DIP2C: variants seen among roughly 807,000 people sequenced by gnomAD.
DIP2C encodes DIP2 acetate--CoA ligase C (putative).
DIP2C carries 33 observed loss-of-function variants against 192.4 expected under a neutral mutation model. The observed-to-expected ratio is 0.17, with a 90% confidence interval of 0.13 to 0.23. The LOEUF (loss-of-function observed/expected upper bound fraction) is 0.23, where lower values mean the gene tolerates loss of function less well. Ranked by LOEUF, DIP2C falls within the 10% of genes least tolerant of loss-of-function variation. The probability of loss-of-function intolerance (pLI) is 1.00; values close to 1 mark genes in which losing one functional copy is unlikely to be tolerated. For missense variants in DIP2C, 1,537 were observed against 2,110.1 expected (o/e 0.73, Z 5.32); for synonymous variants, 979 against 864.1 (o/e 1.13, Z -2.33).
intron 9 of DIP2C, 32 bp downstream of exon 9, chr10:408,894 T>C (rs367858638): frequency 3.2e-5 from 51 of 1,608,908 alleles, no homozygotes; most frequent in Non-Finnish European, 3.9e-5. Context: ...ACTCTTGTGT[T>C]TTGTAGATCC....
At chr10:456,472 G>A (rs998697385) in intron 3 of DIP2C, among the ~76,000 whole-genome samples, 2 of 144,544 alleles carry the variant, frequency 1.4e-5, no homozygotes, top group African/African-American at 5.4e-5. Context: ...GAGACTGTGA[G>A]GAGTAAATGA....
chr10:361,460 T>C (rs561019156), intron 22 of DIP2C, among the ~76,000 whole-genome samples: 36 of 152,322 alleles, frequency 2.4e-4, no homozygotes, highest in Non-Finnish European at 4.4e-4. Flanking sequence ...AGCCGAGCCC[T>C]GTAGCTATGG....
intron 1 of DIP2C, among the ~76,000 whole-genome samples, chr10:568,793 A>AAAC: frequency 8.7e-6 from 1 of 114,754 alleles, no homozygotes; most frequent in Non-Finnish European, 1.8e-5. Flanking sequence ...AAAAAAAAAA[A>AAAC]AAAAACCTTC....
intron 1 of DIP2C, among the ~76,000 whole-genome samples, chr10:618,268 GGTT>G (rs1461081113): frequency 6.6e-6 from 1 of 152,206 alleles, no homozygotes; most frequent in East Asian, 1.9e-4. Flanking sequence ...CTAAGAAACA[GGTT>G]TTTTTCTGGC....
chr10:551,767 G>C (rs908217887), intron 1 of DIP2C, among the ~76,000 whole-genome samples: 2 of 152,226 alleles, frequency 1.3e-5, no homozygotes, highest in Non-Finnish European at 2.9e-5. Flanking sequence ...CAATGGAGTT[G>C]TGACAGGTCA....
Position 364,640 on chromosome 10 carries a change from C to T in DIP2C, c.2269-58G>A, listed in dbSNP as rs535744585. The T allele has an allele frequency of 7.2e-5, 113 of 1,562,326 alleles. No homozygotes were observed. The African/African-American group carries it at 1.1e-3, about 16-fold the overall frequency. ...CATGTGGTCAGCTGGTTTTAATCCT[C>T]GCCGCTACTCCTGGGAGCACGGCAC... On this transcript the variant is annotated intron_variant, in intron 19 of 36. Coordinates refer to ENST00000280886, the MANE Select transcript of DIP2C (RefSeq NM_014974.3).
chr10:517,673 C>A (rs1846445149), intron 1 of DIP2C, among the ~76,000 whole-genome samples: 1 of 152,162 alleles, frequency 6.6e-6, no homozygotes, highest in African/African-American at 2.4e-5. Flanking sequence ...TTTTTCAGAA[C>A]AAAATCAATA....
At chr10:513,415 C>A (rs914187877) in intron 1 of DIP2C, among the ~76,000 whole-genome samples, 1 of 152,210 alleles carries the variant, frequency 6.6e-6, no homozygotes, top group African/African-American at 2.4e-5. Flanking sequence ...CCTTTACTCT[C>A]ATCCACTGCA....
intron 1 of DIP2C, among the ~76,000 whole-genome samples, chr10:644,864 G>C (rs1230803924): frequency 6.6e-6 from 1 of 152,244 alleles, no homozygotes; most frequent in African/African-American, 2.4e-5. Context: ...TTTAGCACCA[G>C]CATCTGTGAA....
At chr10:284,043 C>A (rs1954972330) in intron 34 of DIP2C, among the ~76,000 whole-genome samples, 1 of 152,158 alleles carries the variant, frequency 6.6e-6, no homozygotes, top group Non-Finnish European at 1.5e-5. Context: ...GAACCATGGA[C>A]AGGGCTGGGT....
chr10:615,025 C>G (rs1246174733), intron 1 of DIP2C, among the ~76,000 whole-genome samples: 5 of 152,216 alleles, frequency 3.3e-5, no homozygotes, highest in Admixed American at 3.3e-4. Context: ...TGGTCCCACG[C>G]CAGCCAGAAA....
chr10:554,312 T>TCA (rs1229400740), intron 1 of DIP2C, among the ~76,000 whole-genome samples: 1 of 152,246 alleles, frequency 6.6e-6, no homozygotes, highest in African/African-American at 2.4e-5. Flanking sequence ...CACAGGCTCA[T>TCA]CAGAAGCAGC....
intron 1 of DIP2C, among the ~76,000 whole-genome samples, chr10:639,567 G>A (rs765916019): frequency 6.6e-6 from 1 of 152,210 alleles, no homozygotes; most frequent in Non-Finnish European, 1.5e-5. Context: ...ATGAAGCCAC[G>A]CTGGAAGCAC....
At chr10:364,716 G>A (rs370945542) in intron 19 of DIP2C, 134 bp from the exon 20 acceptor site, 81 of 985,074 alleles carry the variant, frequency 8.2e-5, no homozygotes, top group Admixed American at 2.6e-4. Context: ...CCCTAGGGCC[G>A]AGGTCACAGT....
chr10:618,915 A>C (rs1853653198), intron 1 of DIP2C, among the ~76,000 whole-genome samples: 1 of 152,210 alleles, frequency 6.6e-6, no homozygotes, highest in South Asian at 2.1e-4. Context: ...CAAAACCTGA[A>C]AGGACAGGTC....
intron 1 of DIP2C, among the ~76,000 whole-genome samples, chr10:501,947 C>T (rs542486587): frequency 1.1e-4 from 16 of 152,108 alleles, no homozygotes; most frequent in African/African-American, 3.1e-4. Context: ...GAGTCTAAGA[C>T]CAGCCTGGGT....
intron 35 of DIP2C, 22 bp from the exon 36 acceptor site, chr10:281,345 C>G: frequency 6.3e-7 from 1 of 1,588,986 alleles, no homozygotes; most frequent in Non-Finnish European, 8.6e-7. Context: ...TGACAGCCTG[C>G]GTAAGCTTCC....
chr10:439,355 C>G (rs981573475), intron 4 of DIP2C, among the ~76,000 whole-genome samples: 1 of 152,172 alleles, frequency 6.6e-6, no homozygotes, highest in African/African-American at 2.4e-5. Context: ...TTTGCTAGCA[C>G]GGCGTTCACT....
chr10:591,489 A>AT (rs1851400745), intron 1 of DIP2C, among the ~76,000 whole-genome samples: 1 of 152,248 alleles, frequency 6.6e-6, no homozygotes, highest in Non-Finnish European at 1.5e-5. Flanking sequence ...AAAACCAGTT[A>AT]TATGGCTATA....
Sources: allele counts gnomAD v4.1 joint callset (sites outside exome capture counted in the v4.1 genomes callset), GRCh38; gene constraint gnomAD v4.1.1; transcripts MANE v1.5; gene names NCBI Gene and HGNC (gene_info 2026-07-23, HGNC 2026-07-21).